The following CDKL1 variants were observed in gnomAD, a reference collection of about 807,000 sequenced individuals.
The protein encoded by CDKL1 is cyclin-dependent kinase-like 1.
Under a neutral mutation model 42.0 loss-of-function variants are expected in CDKL1, and 41 were observed. The ratio of observed to expected loss-of-function variants is 0.98; its 90% confidence interval spans 0.76 to 1.27. CDKL1 has a LOEUF of 1.27. Ranked by LOEUF, CDKL1 falls within the 50% of genes most tolerant of loss-of-function variation. The pLI, the probability that CDKL1 is intolerant of heterozygous loss-of-function variation, is 0.00. For missense variants in CDKL1, 394 were observed against 428.4 expected, an observed-to-expected ratio of 0.92 and a Z score of 0.71; for synonymous variants, 153 against 158.6, an observed-to-expected ratio of 0.96 and a Z score of 0.26.
intron 2 of CDKL1, among the ~76,000 whole-genome samples, chr14:50,392,452 A>AAACAAT (rs377418625): frequency 2.2e-5 from 3 of 134,496 alleles, no homozygotes; most frequent in Non-Finnish European, 4.8e-5. Context: ...TCCAAAAAAG[A>AAACAAT]AATAATAATA....
At position 50,328,939 on chromosome 14, in the gene CDKL1, A is replaced by ATATATT. The variant is rs796368991; in HGVS notation, c.*1134_*1135insAATATA. On this transcript the variant is annotated 3_prime_UTR_variant, in exon 10 of 10. Coordinates refer to ENST00000395834, the MANE Select transcript of CDKL1 (RefSeq NM_004196.7). Reference sequence around the variant, plus strand: ...ATATATAAAAAACACATATATATATATGTGTGTGTGTGTCATCATTTTAAG... The same window carrying ATATATT: ...ATATATAAAAAACACATATATATATATATATTTGTGTGTGTGTGTCATCATTTTAAG... 1 of 148,586 alleles carries ATATATT rather than the reference A, an allele frequency of 6.7e-6. No individual in the cohort carries two copies. The highest frequency in any genetic ancestry group is 1.5e-5 in the Non-Finnish European group (1 of 67,348). The allele number at this position is 148,586 out of a possible 1,614,324, so 9.2% of individuals were successfully genotyped here.
intron 4 of CDKL1, 28 bp from the exon 5 acceptor site, chr14:50,342,250 A>C: frequency 2.5e-6 from 4 of 1,581,790 alleles, no homozygotes; most frequent in Non-Finnish European, 3.5e-6. Flanking sequence ...AACAAAAACA[A>C]TATTAAGGCT....
chr14:50,346,724 C>T (rs929960208), intron 3 of CDKL1, among the ~76,000 whole-genome samples: 11 of 148,024 alleles, frequency 7.4e-5, no homozygotes, highest in Non-Finnish European at 1.2e-4. Flanking sequence ...AATCTCAGCT[C>T]ACTGCAAACT....
intron 2 of CDKL1, chr14:50,390,303 G>A (rs745829119): frequency 7.3e-7 from 1 of 1,366,214 alleles, no homozygotes; most frequent in Non-Finnish European, 9.8e-7. Context: ...GTCTGCCCAG[G>A]GATCCCACAG....
At chr14:50,370,276 C>A (rs150225661) in intron 2 of CDKL1, among the ~76,000 whole-genome samples, 460 of 152,232 alleles carry the variant, frequency 3.0e-3, no homozygotes, top group Non-Finnish European at 4.9e-3. Flanking sequence ...ACTATGTTGG[C>A]CAGGTTGGCC....
At chr14:50,355,454 G>A (rs1031647838) in intron 3 of CDKL1, among the ~76,000 whole-genome samples, 1 of 152,126 alleles carries the variant, frequency 6.6e-6, no homozygotes, top group Admixed American at 6.5e-5. Flanking sequence ...ACAATATTAG[G>A]CTTTAGAAAT....
At chr14:50,365,338 A>G (rs1465483192) in intron 2 of CDKL1, among the ~76,000 whole-genome samples, 1 of 152,200 alleles carries the variant, frequency 6.6e-6, no homozygotes, top group Non-Finnish European at 1.5e-5. Flanking sequence ...TGTCTCTCCC[A>G]TCTTCCTCCA....
At chr14:50,337,349 A>ATTT in intron 7 of CDKL1, among the ~76,000 whole-genome samples, 1 of 142,550 alleles carries the variant, frequency 7.0e-6, no homozygotes, top group South Asian at 2.2e-4. Flanking sequence ...TTTTTTAACT[A>ATTT]CATGGTATTT....
chr14:50,390,330 T>C, intron 2 of CDKL1: 1 of 1,366,482 alleles, frequency 7.3e-7, no homozygotes, highest in East Asian at 4.5e-5. Flanking sequence ...TGTCCTGTCC[T>C]TGACCTCCAA....
intron 2 of CDKL1, chr14:50,376,189 AACTAT>A (rs2034727238): frequency 3.6e-6 from 1 of 275,672 alleles, no homozygotes; most frequent in South Asian, 4.4e-5. Flanking sequence ...TGATTATAGT[AACTAT>A]ACCATGCTAA....
At chr14:50,391,408 A>C (rs1396964258) in intron 2 of CDKL1, among the ~76,000 whole-genome samples, 1 of 151,844 alleles carries the variant, frequency 6.6e-6, no homozygotes, top group Non-Finnish European at 1.5e-5. Flanking sequence ...AGAATCTAGC[A>C]GTCTTGCTCT....
At chr14:50,346,210 CA>C (rs1566582480) in intron 3 of CDKL1, among the ~76,000 whole-genome samples, 1 of 151,946 alleles carries the variant, frequency 6.6e-6, no homozygotes, top group Non-Finnish European at 1.5e-5. Context: ...TCAAGCAGAT[CA>C]GGGGGTGTTT....
chr14:50,369,145 G>C (rs937218836), intron 2 of CDKL1, among the ~76,000 whole-genome samples: 7 of 152,086 alleles, frequency 4.6e-5, no homozygotes, highest in Admixed American at 2.6e-4. Context: ...GAGATTATAG[G>C]TGTGAGCCAC....
chr14:50,393,230 T>C (rs2035308801), intron 2 of CDKL1, among the ~76,000 whole-genome samples: 1 of 152,184 alleles, frequency 6.6e-6, no homozygotes, highest in South Asian at 2.1e-4. Context: ...TAAAGAGTTC[T>C]TACCAGGCAA....
chr14:50,333,237 A>G (rs1281849873), intron 8 of CDKL1: 9 of 152,260 alleles, frequency 5.9e-5, no homozygotes, highest in Admixed American at 4.6e-4. Context: ...TGTTACTCAC[A>G]GGATGAGATA....
chr14:50,343,177 G>GTT (rs1566580369), intron 4 of CDKL1: 1 of 400,760 alleles, frequency 2.5e-6, no homozygotes, highest in African/African-American at 2.5e-5. Flanking sequence ...TTTTTTTTGA[G>GTT]TTGGGTCAAA....
chr14:50,371,499 T>A (rs577665409), intron 2 of CDKL1, among the ~76,000 whole-genome samples: 11 of 152,388 alleles, frequency 7.2e-5, no homozygotes, highest in Admixed American at 2.0e-4. Context: ...TTTTTCCATA[T>A]ATCTGTTGGC....
At chr14:50,379,738 G>C (rs768185163) in intron 2 of CDKL1, among the ~76,000 whole-genome samples, 2 of 152,206 alleles carry the variant, frequency 1.3e-5, no homozygotes, top group African/African-American at 2.4e-5. Flanking sequence ...AACAGCTAGA[G>C]TGGAAACCTG....
intron 2 of CDKL1, among the ~76,000 whole-genome samples, chr14:50,385,930 GAAC>G (rs1595372676): frequency 2.0e-5 from 3 of 150,792 alleles, no homozygotes; most frequent in Non-Finnish European, 4.4e-5. Flanking sequence ...ACCATTATTA[GAAC>G]AATATGAGAA....
Sources: allele counts gnomAD v4.1 joint callset (sites outside exome capture counted in the v4.1 genomes callset), GRCh38; gene constraint gnomAD v4.1.1; transcripts MANE v1.5; gene names NCBI Gene and HGNC (gene_info 2026-07-23, HGNC 2026-07-21).